Variants in AVEN observed in about 807,000 individuals in gnomAD.
The protein encoded by AVEN is cell death regulator Aven.
Under a neutral mutation model 38.1 loss-of-function variants are expected in AVEN, and 41 were observed. That is an observed-to-expected ratio of 1.08 (90% CI 0.84 to 1.40). AVEN has a LOEUF of 1.40. AVEN is among the 40% of genes most tolerant of loss of function. The pLI is 0.00. For synonymous variants in AVEN, 206 were observed against 171.8 expected (o/e 1.20, Z -1.56); for missense variants, 605 against 438.8 (o/e 1.38, Z -3.38).
intron 2 of AVEN, among the ~76,000 whole-genome samples, chr15:33,935,295 T>C (rs967112605): frequency 4.6e-5 from 7 of 152,198 alleles, no homozygotes; most frequent in Non-Finnish European, 8.8e-5. Flanking sequence ...ACAAAAATGC[T>C]AGCTAGCACA....
In AVEN at chr15:33,967,770, T is replaced by C. The variant is rs891702946; in HGVS notation, c.445+35262A>G. ...AGTGCAAAAATTATGAAATTGACAT[T>C]TAAAAATCTATTCTTTTATACAGCT... On this transcript the variant is annotated intron_variant, in intron 2 of 5. Coordinates refer to ENST00000306730, the MANE Select transcript of AVEN (RefSeq NM_020371.3). 2.6e-5 allele frequency among the ~76,000 whole-genome samples: 4 copies of C among 151,964 alleles called. No individual in the cohort carries two copies. The East Asian group carries it at 5.8e-4, about 22-fold the overall frequency.
At chr15:33,898,872 T>C (rs1178782541) in intron 2 of AVEN, among the ~76,000 whole-genome samples, 1 of 152,196 alleles carries the variant, frequency 6.6e-6, no homozygotes. Flanking sequence ...GACTTCATGG[T>C]ATTCAAAAAT....
In AVEN at chr15:34,026,291, C is replaced by T. The variant is rs189120558; in HGVS notation, c.267+12489G>A. Among the ~76,000 whole-genome samples, 114 of 152,130 alleles carry T rather than the reference C, an allele frequency of 7.5e-4. 1 individual carries two copies. The highest frequency in any genetic ancestry group is 6.6e-3 in the Admixed American group (101 of 15,264). ...TTCTGGATGATGATACTAAAGGGCA[C>T]TTTTATTTTCTTCTTGGTATTTTTC... On this transcript the variant is annotated intron_variant, in intron 1 of 5. Coordinates refer to ENST00000306730, the MANE Select transcript of AVEN (RefSeq NM_020371.3).
intron 3 of AVEN, among the ~76,000 whole-genome samples, chr15:33,873,100 T>C (rs917099745): frequency 4.7e-5 from 6 of 126,318 alleles, no homozygotes; most frequent in South Asian, 2.9e-4. Flanking sequence ...TTTTCTTTTT[T>C]TTTTTTTTTT....
chr15:33,959,655 C>T (rs897449538), intron 2 of AVEN, among the ~76,000 whole-genome samples: 1 of 152,168 alleles, frequency 6.6e-6, no homozygotes, highest in Non-Finnish European at 1.5e-5. Flanking sequence ...AAAGGTCAGA[C>T]ACCAGGTGAA....
intron 3 of AVEN, 21 bp from the exon 4 acceptor site, chr15:33,871,051 AAAT>A: frequency 7.5e-7 from 1 of 1,330,056 alleles, no homozygotes. Flanking sequence ...ATATAAAAGA[AAAT>A]AAAATATCAG....
intron 2 of AVEN, among the ~76,000 whole-genome samples, chr15:33,920,115 TTTC>T (rs1893335541): frequency 2.0e-5 from 3 of 152,208 alleles, no homozygotes; most frequent in Admixed American, 6.5e-5. Context: ...ATTAATGAGA[TTTC>T]TTCTTCTATA....
chr15:33,858,067 T>C, downstream of AVEN: 1 of 1,002,788 alleles, frequency 1.0e-6, no homozygotes, highest in Non-Finnish European at 1.4e-6. Context: ...GACAGATGTC[T>C]TCTCCAAACA....
intron 2 of AVEN, among the ~76,000 whole-genome samples, chr15:33,892,047 C>A (rs956591377): frequency 2.0e-5 from 3 of 152,202 alleles, no homozygotes; most frequent in Non-Finnish European, 4.4e-5. Context: ...AGTGTCTGTT[C>A]ATATCCTTTG....
intron 2 of AVEN, among the ~76,000 whole-genome samples, chr15:33,914,030 G>A (rs772581402): frequency 6.6e-6 from 1 of 152,142 alleles, no homozygotes; most frequent in African/African-American, 2.4e-5. Flanking sequence ...CACAGCATAC[G>A]TAGAAGTTAA....
chr15:34,021,378 C>T lies in AVEN; in HGVS notation c.267+17402G>A, dbSNP rs1488716349. ...TTGGCTCACCACAACCTCTGCCTCCCGGGTTCAAGTGATTCTCCTGCCTCA... is the reference window on the plus strand; with the variant it reads ...TTGGCTCACCACAACCTCTGCCTCCTGGGTTCAAGTGATTCTCCTGCCTCA... On this transcript the variant is annotated intron_variant, in intron 1 of 5. Transcript: ENST00000306730. 5.3e-5 allele frequency among the ~76,000 whole-genome samples: 8 copies of T among 151,754 alleles called. No individual in the cohort carries two copies. In the East Asian group the frequency reaches 1.2e-3, roughly 22 times the overall value.
In AVEN at chr15:33,961,623, C is replaced by A. The variant is rs1483231188; in HGVS notation, c.445+41409G>T. 5.9e-5 allele frequency among the ~76,000 whole-genome samples: 9 copies of A among 151,516 alleles called. No homozygotes were observed. The South Asian group carries it at 6.3e-4, about 11-fold the overall frequency. ...GGTCAGGAGATCGAGACCATTCTGG[C>A]TAACACGGTGAAACCCCGTCTCTAC... On this transcript the variant is annotated intron_variant, in intron 2 of 5. Coordinates refer to ENST00000306730, the MANE Select transcript of AVEN (RefSeq NM_020371.3).
Position 34,064,066 on chromosome 15 carries a change from C to T in AVEN, n.1127-634G>A, listed in dbSNP as rs367796610. The T allele has an allele frequency of 1.7e-5, 28 of 1,614,054 alleles. No homozygotes were observed. In the African/African-American group the frequency reaches 1.7e-4, roughly 10 times the overall value. On this transcript the variant is annotated intron_variant and non_coding_transcript_variant, in intron 4 of 11. Coordinates refer to the AVEN transcript ENST00000675287. ...CAGACACTGAGTGCCATTCTCCTGG[C>T]CTTCATCATCACATGGACCCCGTAT...
chr15:33,860,543 CTACCCCTGAACCACTACACAGATTGCT>C (rs1887805222), intron 11 of AVEN: 8 of 1,080,578 alleles, frequency 7.4e-6, no homozygotes, highest in Non-Finnish European at 1.0e-5. Flanking sequence ...TATCATTCCT[CTACCCCTGAACCACTACACAGATTGCT>C]TTGTCTTTGT....
At chr15:33,967,323 A>C (rs1895428665) in intron 2 of AVEN, among the ~76,000 whole-genome samples, 2 of 152,100 alleles carry the variant, frequency 1.3e-5, no homozygotes, top group Admixed American at 1.3e-4. Flanking sequence ...ATAGTTTCTG[A>C]GACACAAGGA....
chr15:33,940,106 C>T (rs1414977925), intron 2 of AVEN, among the ~76,000 whole-genome samples: 2 of 152,184 alleles, frequency 1.3e-5, no homozygotes, highest in Admixed American at 1.3e-4. Context: ...AACCTCCCAG[C>T]CTGCAGAATT....
chr15:33,961,657 C>A (rs1319612388), intron 2 of AVEN, among the ~76,000 whole-genome samples: 1 of 151,202 alleles, frequency 6.6e-6, no homozygotes, highest in Non-Finnish European at 1.5e-5. Context: ...ACTAAAAACA[C>A]AAAAAATTAG....
chr15:33,907,895 G>A (rs1397306320), intron 2 of AVEN, among the ~76,000 whole-genome samples: 2 of 151,606 alleles, frequency 1.3e-5, no homozygotes, highest in African/African-American at 2.4e-5. Context: ...ATCTTGGAGT[G>A]AAGAAGACCT....
intron 2 of AVEN, among the ~76,000 whole-genome samples, chr15:33,968,150 G>GA (rs200985413): frequency 0.018 from 1,277 of 69,738 alleles, 26 homozygotes; most frequent in African/African-American, 0.053. Context: ...AGACTAACAG[G>GA]AAAAAATGAA....
Sources: allele counts gnomAD v4.1 joint callset (sites outside exome capture counted in the v4.1 genomes callset), GRCh38; gene constraint gnomAD v4.1.1; transcripts MANE v1.5; gene names NCBI Gene and HGNC (gene_info 2026-07-23, HGNC 2026-07-21).